The following CD300LF variants were observed in gnomAD, a reference collection of about 807,000 sequenced individuals.
CD300LF encodes CMRF35-like molecule 1.
Under a neutral mutation model 32.2 loss-of-function variants are expected in CD300LF, and 27 were observed. The ratio of observed to expected loss-of-function variants is 0.84; its 90% CI spans 0.62 to 1.15. CD300LF has a LOEUF of 1.15. CD300LF is among the 50% of genes most tolerant of loss of function. The probability of loss-of-function intolerance (pLI) is 0.00; values close to 1 mark genes in which losing one functional copy is unlikely to be tolerated. For missense variants in CD300LF, 348 were observed against 356.8 expected, an observed-to-expected ratio of 0.98 and a Z score of 0.20; for synonymous variants, 139 against 143.2, an observed-to-expected ratio of 0.97 and a Z score of 0.21.
chr17:74,695,937 C>T lies in CD300LF; in HGVS notation c.583-78G>A, dbSNP rs550576411. On this transcript the variant is annotated intron_variant, in intron 5 of 6. Coordinates refer to ENST00000326165, the MANE Select transcript of CD300LF (RefSeq NM_139018.5). ...GTTCCTTTTCCACGGTGGGACGGGA[C>T]GAGAGCCTCTCCACTTCCCCAGGTG... is the stretch of plus-strand genomic sequence containing the variant. 312 of 1,511,254 alleles carry T rather than the reference C, an allele frequency of 2.1e-4. 1 individual carries two copies. In the South Asian group the frequency reaches 3.7e-3, roughly 18 times the overall value. 93.6% of individuals were successfully genotyped at this position (1,511,254 alleles called of 1,614,324 possible).
chr17:74,705,681 A>G lies in CD300LF; in HGVS notation c.44-865T>C, dbSNP rs115990045. On this transcript the variant is annotated intron_variant, in intron 1 of 6. Coordinates refer to ENST00000326165, the MANE Select transcript of CD300LF (RefSeq NM_139018.5). ...TCAATCATGGCTCACTGAAGCCTTC[A>G]CCTCCCAGGCTTAATTGATCCTCCC... 4.5e-3 allele frequency among the ~76,000 whole-genome samples: 683 copies of G among 151,674 alleles called. 6 individuals are homozygous for G. The highest frequency in any genetic ancestry group is 0.016 in the African/African-American group (645 of 41,338).
chr17:74,700,689 T>C (rs894002517), intron 3 of CD300LF, among the ~76,000 whole-genome samples: 1 of 151,930 alleles, frequency 6.6e-6, no homozygotes. Flanking sequence ...GAGGCGTAGG[T>C]TGCAGTGAGC....
intron 1 of CD300LF, 99 bp from the exon 2 acceptor site, chr17:74,704,915 T>A: frequency 1.1e-6 from 1 of 938,132 alleles, no homozygotes; most frequent in Non-Finnish European, 1.6e-6. Context: ...TTTCACAGGT[T>A]AAATAACAGT....
chr17:74,710,761 G>A (rs764671472), intron 1 of CD300LF, among the ~76,000 whole-genome samples: 2 of 151,988 alleles, frequency 1.3e-5, no homozygotes, highest in Admixed American at 1.3e-4. Context: ...CAGCTACTTG[G>A]GAGGCTGAGG....
chr17:74,698,481 C>T lies in CD300LF; in HGVS notation c.447G>A (p.Arg149=). Residue 149 remains arginine (R), a splice_region_variant and synonymous_variant, in exon 4 of 7, where the codon AGG becomes AGA. Transcript: ENST00000326165. ...GGACACTGAGCTTCAGGAGCTTGTG[C>T]CTAGAAACAATGGCAAGCGTCCCCT... ...PTLTGHHLDN[R]HKLLKLSVLL... is the part of the protein sequence containing the mutation. The T allele has an allele frequency of 6.2e-7, 1 of 1,612,922 alleles. No individual in the cohort carries two copies. The highest frequency in any genetic ancestry group is 8.5e-7 in the Non-Finnish European group (1 of 1,179,436).
At chr17:74,701,027 A>G (rs1226038179) in intron 3 of CD300LF, among the ~76,000 whole-genome samples, 1 of 152,234 alleles carries the variant, frequency 6.6e-6, no homozygotes, top group Non-Finnish European at 1.5e-5. Flanking sequence ...GCCATCTACA[A>G]GCTGAGAAGA....
At chr17:74,698,626 G>A (rs1245992737) in intron 3 of CD300LF, 145 bp from the exon 4 acceptor site, 3 of 1,480,502 alleles carry the variant, frequency 2.0e-6, no homozygotes, top group Non-Finnish European at 2.7e-6. Flanking sequence ...TCACTCCTGG[G>A]GATCCTCAAA....
At chr17:74,709,742 A>AT (rs534800950) in intron 1 of CD300LF, among the ~76,000 whole-genome samples, 84 of 146,034 alleles carry the variant, frequency 5.8e-4, no homozygotes, top group Middle Eastern at 7.1e-3. Flanking sequence ...CCAGGCTAGT[A>AT]TTTTTTTTTT....
At chr17:74,712,728 T>C in intron 1 of CD300LF, 96 bp downstream of exon 1, 1 of 1,292,478 alleles carries the variant, frequency 7.7e-7, no homozygotes, top group Non-Finnish European at 1.1e-6. Flanking sequence ...CTCATGCCAT[T>C]AAGGACACCT....
chr17:74,695,323 G>A, intron 6 of CD300LF, 72 bp from the exon 7 acceptor site: 2 of 1,570,636 alleles, frequency 1.3e-6, no homozygotes, highest in Non-Finnish European at 1.7e-6. Context: ...GGAGCCCTCG[G>A]AGGAGGATAG....
intron 1 of CD300LF, among the ~76,000 whole-genome samples, chr17:74,708,709 G>A (rs945422647): frequency 3.3e-5 from 5 of 152,154 alleles, no homozygotes; most frequent in Admixed American, 2.6e-4. Context: ...GAGGTGAGGA[G>A]ATCGAGACCA....
At chr17:74,707,134 T>C (rs759687494) in intron 1 of CD300LF, among the ~76,000 whole-genome samples, 1 of 151,934 alleles carries the variant, frequency 6.6e-6, no homozygotes. Flanking sequence ...ACTAGACAAA[T>C]GGGACTCACA....
intron 1 of CD300LF, among the ~76,000 whole-genome samples, chr17:74,711,475 G>T (rs2033957124): frequency 6.6e-6 from 1 of 152,176 alleles, no homozygotes; most frequent in Non-Finnish European, 1.5e-5. Context: ...AAGTGTCCAT[G>T]AGCCACTCCC....
At chr17:74,699,858 A>G (rs561367445) in intron 3 of CD300LF, among the ~76,000 whole-genome samples, 5 of 152,248 alleles carry the variant, frequency 3.3e-5, no homozygotes, top group Middle Eastern at 3.4e-3. Flanking sequence ...ATTCTGCAAC[A>G]GGCCAGGCAC....
chr17:74,708,785 G>T (rs368605844), intron 1 of CD300LF, among the ~76,000 whole-genome samples: 5 of 151,918 alleles, frequency 3.3e-5, no homozygotes, highest in Non-Finnish European at 5.9e-5. Context: ...GCGTGGTGGC[G>T]GGCGCCTGTA....
intron 4 of CD300LF, 45 bp from the exon 5 acceptor site, chr17:74,696,262 G>A: frequency 1.9e-6 from 3 of 1,578,276 alleles, no homozygotes; most frequent in Non-Finnish European, 2.6e-6. Flanking sequence ...CCATTCCCCA[G>A]ACTCACAAGA....
chr17:74,709,020 C>G (rs911186347), intron 1 of CD300LF, among the ~76,000 whole-genome samples: 4 of 151,088 alleles, frequency 2.6e-5, no homozygotes, highest in African/African-American at 7.3e-5. Flanking sequence ...GCCAAGAGAT[C>G]GAGACAATCC....
intron 1 of CD300LF, 125 bp from the exon 2 acceptor site, chr17:74,704,941 C>A: frequency 1.3e-6 from 1 of 762,454 alleles, no homozygotes. Flanking sequence ...AAGAAATACA[C>A]CTTCCGCAGA....
chr17:74,704,449 G>A (rs1200308122), intron 2 of CD300LF, 29 bp downstream of exon 2: 2 of 1,498,500 alleles, frequency 1.3e-6, no homozygotes, highest in African/African-American at 1.4e-5. Context: ...GGCCCTGAGA[G>A]ACACACACAT....
Sources: allele counts gnomAD v4.1 joint callset (sites outside exome capture counted in the v4.1 genomes callset), GRCh38; gene constraint gnomAD v4.1.1; transcripts MANE v1.5; gene names NCBI Gene and HGNC (gene_info 2026-07-23, HGNC 2026-07-21).